Variants in CR1L observed in about 807,000 individuals in gnomAD.
CR1L encodes the protein complement component receptor 1-like protein.
Under a neutral mutation model 62.3 loss-of-function variants are expected in CR1L, and 59 were observed. The ratio of observed to expected loss-of-function variants is 0.95; its 90% CI spans 0.77 to 1.18. The LOEUF (loss-of-function observed/expected upper bound fraction) is 1.18, where lower values mean the gene tolerates loss of function less well. CR1L is among the 50% of genes most tolerant of loss of function. CR1L has a pLI of 0.00. For missense variants in CR1L, 700 were observed against 702.8 expected, an observed-to-expected ratio of 1.00 and a Z score of 0.04; for synonymous variants, 279 against 248.7, an observed-to-expected ratio of 1.12 and a Z score of -1.15.
At position 207,694,581 on chromosome 1, in the gene CR1L, C is replaced by T. The variant is rs370226783; in HGVS notation, c.692C>T (p.Thr231Met). 48 of 1,611,958 alleles carry T rather than the reference C, an allele frequency of 3.0e-5. No homozygotes were observed. Among genetic ancestry groups the T allele is most frequent in the Non-Finnish European group, 3.6e-5 (43 of 1,179,760 alleles). Residue 231 changes from threonine (T) to methionine (M), a missense_variant, in exon 5 of 12, where the codon ACG becomes ATG. Thr to Met is a moderately conservative substitution (Grantham distance 81, BLOSUM62 -1). Coordinates refer to ENST00000508064, the MANE Select transcript of CR1L (RefSeq NM_175710.2). Reference sequence around the variant, plus strand: ...CAGTGCATTATACCTAACAAATGCACGCCTCCAAATGTGGAAAATGGAATA... The same window carrying T: ...CAGTGCATTATACCTAACAAATGCATGCCTCCAAATGTGGAAAATGGAATA... Reference protein sequence around the residue: ...APQCIIPNKCTPPNVENGILV... With the variant: ...APQCIIPNKCMPPNVENGILV...
In CR1L at chr1:207,645,161, G is replaced by A; in HGVS notation, c.-73G>A. The A allele has an allele frequency of 1.4e-6, 2 of 1,476,992 alleles. No homozygotes were observed. Among genetic ancestry groups the A allele is most frequent in the South Asian group, 1.1e-5 (1 of 87,764 alleles). The allele number at this position is 1,476,992 out of a possible 1,614,324, so 91.5% of individuals were successfully genotyped here. A position where few individuals can be genotyped will look rare whatever the true frequency, so the allele number is the denominator to read the frequency against. ...GTGTCCACTAACCGGACTCAGAAGG[G>A]ACTTCCCTGCTCGGCTGGCTTTCGG... On this transcript the variant is annotated 5_prime_UTR_variant, in exon 1 of 12. Coordinates refer to ENST00000508064, the MANE Select transcript of CR1L (RefSeq NM_175710.2).
At chr1:207,684,278 G>A (rs1486649719) in intron 4 of CR1L, among the ~76,000 whole-genome samples, 1 of 152,046 alleles carries the variant, frequency 6.6e-6, no homozygotes, top group African/African-American at 2.4e-5. Flanking sequence ...AATCAGTAAA[G>A]ATTTTAAAAA....
At chr1:207,716,772 T>C (rs563862419) in intron 10 of CR1L, among the ~76,000 whole-genome samples, 2 of 152,338 alleles carry the variant, frequency 1.3e-5, no homozygotes, top group East Asian at 3.9e-4. Context: ...TACACATAAT[T>C]CCGATAAACT....
intron 1 of CR1L, 83 bp from the exon 2 acceptor site, chr1:207,677,306 A>C (rs1307055226): frequency 1.0e-6 from 1 of 1,002,524 alleles, no homozygotes; most frequent in Non-Finnish European, 1.3e-6. Context: ...AGACTCTGTC[A>C]CAAAAAAAAA....
chr1:207,661,065 C>G (rs1463825996), intron 1 of CR1L, among the ~76,000 whole-genome samples: 1 of 152,160 alleles, frequency 6.6e-6, no homozygotes, highest in Non-Finnish European at 1.5e-5. Context: ...TTACTTCCAA[C>G]TATGTGGTCA....
At chr1:207,718,193 T>C (rs1211655197) in intron 11 of CR1L, among the ~76,000 whole-genome samples, 2 of 152,162 alleles carry the variant, frequency 1.3e-5, no homozygotes, top group African/African-American at 2.4e-5. Flanking sequence ...CCGCTGACTA[T>C]ATTTAGTTGG....
chr1:207,706,009 G>A (rs1432509689), intron 9 of CR1L, among the ~76,000 whole-genome samples: 16 of 58,978 alleles, frequency 2.7e-4, no homozygotes, highest in Non-Finnish European at 4.6e-4. Flanking sequence ...ATGTGTGTGT[G>A]TATGTATATA....
intron 9 of CR1L, among the ~76,000 whole-genome samples, chr1:207,702,951 C>A (rs751342040): frequency 6.6e-6 from 1 of 152,104 alleles, no homozygotes; most frequent in Non-Finnish European, 1.5e-5. Context: ...GGCGTTGTGG[C>A]GGGTTGCCTG....
rs560511652 is a variant in CR1L at position 207,694,549 on chromosome 1, A to G, written c.660A>G (p.Pro220=). The stretch of plus-strand genomic sequence containing the variant: ...ATCAAGTGGGCATCTGGAGTGGCCC[A>G]GCCCCTCAGTGCATTATACCTAACA... ...KDDQVGIWSG[P]APQCIIPNKC... The change falls in exon 5 of 12, where the codon CCA becomes CCG. Residue 220 remains proline (P), a synonymous_variant. Transcript: ENST00000508064. 12 of 1,612,768 alleles carry G rather than the reference A, an allele frequency of 7.4e-6. No homozygotes were observed. Among genetic ancestry groups the G allele is most frequent in the African/African-American group, 1.3e-5 (1 of 75,046 alleles).
chr1:207,645,420 C>T (rs1452025457), intron 1 of CR1L, 90 bp downstream of exon 1: 3 of 1,388,928 alleles, frequency 2.2e-6, no homozygotes, highest in Non-Finnish European at 3.1e-6. Flanking sequence ...AAGCTCACTG[C>T]ACGTCGTGCC....
At chr1:207,723,505 T>C (rs1654183779) in intron 11 of CR1L, 113 bp from the exon 12 acceptor site, 5 of 847,634 alleles carry the variant, frequency 5.9e-6, no homozygotes, top group African/African-American at 1.7e-5. Context: ...TTATAAAAAA[T>C]ATTAGTCTGA....
At chr1:207,664,849 T>C (rs1663489448) in intron 1 of CR1L, among the ~76,000 whole-genome samples, 1 of 151,746 alleles carries the variant, frequency 6.6e-6, no homozygotes. Flanking sequence ...AAGATAATGA[T>C]GTTAAGGTAG....
At chr1:207,703,757 C>T (rs11118421) in intron 9 of CR1L, among the ~76,000 whole-genome samples, 1 of 152,166 alleles carries the variant, frequency 6.6e-6, no homozygotes, top group African/African-American at 2.4e-5. Flanking sequence ...GATTTCAAGA[C>T]CAGCCTGGCC....
intron 10 of CR1L, among the ~76,000 whole-genome samples, chr1:207,716,947 C>G (rs1015913524): frequency 1.3e-5 from 2 of 152,096 alleles, no homozygotes; most frequent in Admixed American, 6.6e-5. Context: ...AGAGCCTTAC[C>G]AATGTAGTCT....
rs190084533 is a variant in CR1L, at chr1:207,646,911, C to T, written c.97+1581C>T. Among the ~76,000 whole-genome samples, 236 of 152,250 alleles carry T rather than the reference C, an allele frequency of 1.6e-3. 1 individual carries two copies. Among genetic ancestry groups the T allele is most frequent in the African/African-American group, 5.4e-3 (225 of 41,538 alleles). Reference sequence around the variant, plus strand: ...GTACAGATTGTACGTTGCATTTCTTCTCTTAGGAACATTCATTCAACAAAT... The same window carrying T: ...GTACAGATTGTACGTTGCATTTCTTTTCTTAGGAACATTCATTCAACAAAT... On this transcript the variant is annotated intron_variant, in intron 1 of 11. Coordinates refer to ENST00000508064, the MANE Select transcript of CR1L (RefSeq NM_175710.2).
At chr1:207,713,944 A>G (rs1196359280) in intron 10 of CR1L, among the ~76,000 whole-genome samples, 1 of 152,100 alleles carries the variant, frequency 6.6e-6, no homozygotes, top group East Asian at 1.9e-4. Flanking sequence ...GGCTGACTGG[A>G]CCTGCTGGTG....
intron 5 of CR1L, among the ~76,000 whole-genome samples, chr1:207,695,305 T>C (rs1664060174): frequency 6.6e-6 from 1 of 152,130 alleles, no homozygotes; most frequent in Admixed American, 6.6e-5. Context: ...TTTTTATATT[T>C]TTTTTATAGA....
intron 4 of CR1L, among the ~76,000 whole-genome samples, chr1:207,686,457 T>A (rs1180666474): frequency 1.3e-5 from 2 of 152,106 alleles, no homozygotes; most frequent in Admixed American, 6.6e-5. Flanking sequence ...TCGAGCACTT[T>A]AGTTATATGT....
At position 207,699,203 on chromosome 1, in the gene CR1L, G is replaced by C. The variant is rs1402028313; in HGVS notation, c.1157G>C (p.Gly386Ala). The stretch of plus-strand genomic sequence containing the variant: ...TTCTTCTTTAGATTTCAATTAAAAG[G>C]CAGCTCTGCTAGTTACTGTGTTTTG... ...FVCDEGFQLK[G>A]SSASYCVLAG... Residue 386 changes from glycine to alanine, a missense_variant, in exon 8 of 12, where the codon GGC (glycine) becomes GCC (alanine). Gly to Ala is a moderately conservative substitution (Grantham distance 60). Coordinates refer to ENST00000508064, the MANE Select transcript of CR1L (RefSeq NM_175710.2). 2 of 1,613,690 alleles carry C rather than the reference G, an allele frequency of 1.2e-6. No individual in the cohort carries two copies. Among genetic ancestry groups the C allele is most frequent in the South Asian group, 2.2e-5 (2 of 91,068 alleles).
Sources: gnomAD v4.1 joint callset for allele counts (sites outside exome capture counted in the v4.1 genomes callset) on GRCh38, gnomAD v4.1.1 for gene constraint, MANE v1.5 for transcripts, NCBI Gene and HGNC (gene_info 2026-07-23, HGNC 2026-07-21) for gene names.